Variants in SCN8A observed in about 807,000 individuals in gnomAD.
SCN8A encodes sodium channel protein type 8 subunit alpha.
Under a neutral mutation model 184.1 loss-of-function variants are expected in SCN8A, and 30 were observed. That is an observed-to-expected ratio of 0.16 (90% CI 0.12 to 0.22). The LOEUF is 0.22. Among genes scored for constraint, SCN8A ranks in the 10% least tolerant of loss-of-function variants. SCN8A has a pLI of 1.00. For missense variants in SCN8A, 1,057 were observed against 2,498.9 expected (o/e 0.42, Z 12.30); for synonymous variants, 852 against 907.0 (o/e 0.94, Z 1.09).
chr12:51,752,322 A>G (rs1345263457), intron 14 of SCN8A, among the ~76,000 whole-genome samples: 2 of 152,102 alleles, frequency 1.3e-5, no homozygotes, highest in Non-Finnish European at 2.9e-5. Flanking sequence ...AACCACAGGC[A>G]TGTCCAAATC....
chr12:51,603,228 T>G (rs1172526071), intron 1 of SCN8A, among the ~76,000 whole-genome samples: 8 of 152,208 alleles, frequency 5.3e-5, no homozygotes, highest in Non-Finnish European at 4.4e-5. Flanking sequence ...ATTCCTGTGG[T>G]GTTACCTTTT....
chr12:51,757,682 G>A (rs1942697958), intron 14 of SCN8A, among the ~76,000 whole-genome samples: 1 of 152,210 alleles, frequency 6.6e-6, no homozygotes, highest in Non-Finnish European at 1.5e-5. Context: ...AGCTCTTTGG[G>A]AGGCCGAGGT....
chr12:51,676,220 T>C (rs1412693842), intron 2 of SCN8A, among the ~76,000 whole-genome samples: 2 of 152,204 alleles, frequency 1.3e-5, no homozygotes, highest in African/African-American at 4.8e-5. Flanking sequence ...ACGGGTACTC[T>C]GGAAATGCAT....
At chr12:51,696,637 C>T (rs1474380181) in intron 6 of SCN8A, among the ~76,000 whole-genome samples, 1 of 152,164 alleles carries the variant, frequency 6.6e-6, no homozygotes, top group African/African-American at 2.4e-5. Flanking sequence ...GATTCTTCAG[C>T]TTCTCCACTA....
intron 1 of SCN8A, among the ~76,000 whole-genome samples, chr12:51,619,152 A>G (rs1236277770): frequency 6.6e-6 from 1 of 152,140 alleles, no homozygotes; most frequent in South Asian, 2.1e-4. Flanking sequence ...ACACTATTAT[A>G]TACCTTACTT....
At chr12:51,673,878 A>G (rs760683837) in intron 2 of SCN8A, among the ~76,000 whole-genome samples, 9 of 152,170 alleles carry the variant, frequency 5.9e-5, no homozygotes, top group Non-Finnish European at 1.2e-4. Context: ...GGACAATTCT[A>G]TTGAAGAGAG....
intron 1 of SCN8A, among the ~76,000 whole-genome samples, chr12:51,630,735 CTTTTA>C (rs1248183188): frequency 6.6e-6 from 1 of 151,998 alleles, no homozygotes; most frequent in Non-Finnish European, 1.5e-5. Flanking sequence ...ACTTTTGCTT[CTTTTA>C]TATCTCCCTC....
chr12:51,668,445 T>A (rs1251546722), intron 2 of SCN8A, among the ~76,000 whole-genome samples: 1 of 152,156 alleles, frequency 6.6e-6, no homozygotes, highest in African/African-American at 2.4e-5. Context: ...TATTACAACA[T>A]ATTTCTAGTT....
chr12:51,665,993 T>G (rs1169575475), intron 2 of SCN8A, among the ~76,000 whole-genome samples: 1 of 151,542 alleles, frequency 6.6e-6, no homozygotes, highest in African/African-American at 2.4e-5. Flanking sequence ...ACCCGGGAGG[T>G]GGAGGTTGCA....
Position 51,712,756 on chromosome 12 carries a change from C to G in SCN8A, c.1635+6041C>G, listed in dbSNP as rs1409383546. The G allele has an allele frequency of 2.6e-6, 3 of 1,160,144 alleles. No homozygotes were observed. In the East Asian group the frequency reaches 7.0e-5, roughly 27 times the overall value. The allele number at this position is 1,160,144 out of a possible 1,614,324, so 71.9% of individuals were successfully genotyped here. A position where few individuals can be genotyped will look rare whatever the true frequency, so the allele number is the denominator to read the frequency against. On this transcript the variant is annotated intron_variant, in intron 11 of 26. Transcript: ENST00000627620. Reference sequence around the variant, plus strand: ...ACCACCACCATAGCCCCCTCTACTACTATAACCAGGACCACCAGCATAGTT... The same window carrying G: ...ACCACCACCATAGCCCCCTCTACTAGTATAACCAGGACCACCAGCATAGTT...
intron 1 of SCN8A, among the ~76,000 whole-genome samples, chr12:51,640,407 A>C (rs1940427107): frequency 6.6e-6 from 1 of 151,798 alleles, no homozygotes; most frequent in Non-Finnish European, 1.5e-5. Context: ...AGCCTGAGGT[A>C]TGCCTGTACT....
chr12:51,750,932 G>C (rs1565910551), intron 13 of SCN8A, among the ~76,000 whole-genome samples: 1 of 152,144 alleles, frequency 6.6e-6, no homozygotes, highest in Non-Finnish European at 1.5e-5. Flanking sequence ...CTTTACACCA[G>C]CATCTAATTT....
intron 1 of SCN8A, among the ~76,000 whole-genome samples, chr12:51,650,676 A>G (rs1656168743): frequency 6.6e-6 from 1 of 152,150 alleles, no homozygotes; most frequent in Non-Finnish European, 1.5e-5. Flanking sequence ...TGATGGCAAT[A>G]AAGCCCATGC....
At chr12:51,677,553 G>A (rs1005988627) in intron 2 of SCN8A, among the ~76,000 whole-genome samples, 3 of 152,110 alleles carry the variant, frequency 2.0e-5, no homozygotes, top group Admixed American at 2.0e-4. Flanking sequence ...TATGCATATG[G>A]ACGTGCTCTA....
intron 1 of SCN8A, among the ~76,000 whole-genome samples, chr12:51,646,720 T>C (rs553664977): frequency 2.0e-4 from 30 of 152,206 alleles, no homozygotes; most frequent in African/African-American, 7.0e-4. Flanking sequence ...GTTTGCGATA[T>C]AAAGGGAAAG....
At chr12:51,726,337 A>G (rs1942154696) in intron 12 of SCN8A, among the ~76,000 whole-genome samples, 1 of 152,248 alleles carries the variant, frequency 6.6e-6, no homozygotes, top group Admixed American at 6.5e-5. Context: ...GCAAATGTAT[A>G]AGCATTATCT....
chr12:51,694,497 T>C (rs1397656391), intron 6 of SCN8A, among the ~76,000 whole-genome samples: 1 of 152,214 alleles, frequency 6.6e-6, no homozygotes, highest in Non-Finnish European at 1.5e-5. Context: ...TGTCTTTTCT[T>C]GGCCTGTGGT....
Position 51,721,170 on chromosome 12 carries a change from TTC to T in SCN8A, c.1636-374_1636-373del, listed in dbSNP as rs1359045611. Among the ~76,000 whole-genome samples the T allele has an allele frequency of 1.0e-4, 15 of 145,160 alleles. No homozygotes were observed. The South Asian group carries it at 1.7e-3, about 16-fold the overall frequency. On this transcript the variant is annotated intron_variant, in intron 11 of 26. Transcript: ENST00000627620. ...TGTTATATATATGATAATAAATAAATTCTTTTTGCCCAGTGTGGCGTAGTCTA... is the reference window on the plus strand; with the variant it reads ...TGTTATATATATGATAATAAATAAATTTTTTGCCCAGTGTGGCGTAGTCTA...
chr12:51,687,242 TG>T lies in SCN8A; in HGVS notation c.614+25del, dbSNP rs547006712. The stretch of plus-strand genomic sequence containing the variant: ...GGCGTAAGTTCTCCCCTTACTTTAT[TG>T]GTGTTCTGGGTGTGATTCTGTGTGT... On this transcript the variant is annotated intron_variant, in intron 5 of 26. Coordinates refer to ENST00000627620, the MANE Select transcript of SCN8A (RefSeq NM_001330260.2). 1.7e-4 allele frequency: 272 copies of T among 1,612,358 alleles called. No homozygotes were observed. The African/African-American group carries it at 3.4e-3, about 20-fold the overall frequency.
Sources: gnomAD v4.1 joint callset for allele counts (sites outside exome capture counted in the v4.1 genomes callset) on GRCh38, gnomAD v4.1.1 for gene constraint, MANE v1.5 for transcripts, NCBI Gene and HGNC (gene_info 2026-07-23, HGNC 2026-07-21) for gene names.